Variants in ABLIM1 observed in about 807,000 individuals in gnomAD.
The protein encoded by ABLIM1 is actin-binding LIM protein 1.
Under a neutral mutation model 107.0 loss-of-function variants are expected in ABLIM1, and 40 were observed. The ratio of observed to expected loss-of-function variants is 0.37; its 90% CI spans 0.29 to 0.49. The LOEUF is 0.49. Ranked by LOEUF, ABLIM1 falls within the 20% of genes least tolerant of loss-of-function variation. The pLI is 0.97. For missense variants in ABLIM1, 857 were observed against 1,008.5 expected, an observed-to-expected ratio of 0.85 and a Z score of 2.04; for synonymous variants, 357 against 357.3, an observed-to-expected ratio of 1.00 and a Z score of 0.01.
intron 14 of ABLIM1, among the ~76,000 whole-genome samples, chr10:114,449,522 G>C (rs2061530865): frequency 6.6e-6 from 1 of 152,102 alleles, no homozygotes; most frequent in African/African-American, 2.4e-5. Flanking sequence ...CACTCAAGCA[G>C]GTCTCTCATT....
At chr10:114,791,712 T>A in the ABLIM1 span, among the ~76,000 whole-genome samples, 101 of 151,812 alleles carry the variant, frequency 6.7e-4, no homozygotes, top group African/African-American at 2.2e-3. Context: ...GCAGATTTTT[T>A]AAATTACTCT....
intron 6 of ABLIM1, among the ~76,000 whole-genome samples, chr10:114,506,842 A>C (rs1247820005): frequency 5.3e-5 from 8 of 152,154 alleles, no homozygotes; most frequent in African/African-American, 1.9e-4. Flanking sequence ...CTTTAATTTA[A>C]TTAAGTCCCA....
upstream of ABLIM1, among the ~76,000 whole-genome samples, chr10:114,686,647 G>A (rs991804846): frequency 1.3e-5 from 2 of 150,662 alleles, no homozygotes; most frequent in African/African-American, 4.9e-5. Flanking sequence ...CTTTCTTTCT[G>A]AGATAGAGTC....
At chr10:114,591,365 TA>T (rs2074848105) in intron 2 of ABLIM1, among the ~76,000 whole-genome samples, 1 of 152,186 alleles carries the variant, frequency 6.6e-6, no homozygotes, top group African/African-American at 2.4e-5. Flanking sequence ...TATGACTATT[TA>T]AAAAGACAAG....
chr10:114,515,228 C>T (rs931251043), intron 6 of ABLIM1, among the ~76,000 whole-genome samples: 1 of 152,188 alleles, frequency 6.6e-6, no homozygotes, highest in African/African-American at 2.4e-5. Context: ...GCGGCCATGT[C>T]AAGGCTACCC....
chr10:114,743,984 T>C (rs1344832261), intron 1 of ABLIM1, among the ~76,000 whole-genome samples: 1 of 152,206 alleles, frequency 6.6e-6, no homozygotes, highest in Non-Finnish European at 1.5e-5. Context: ...AAGAGTCTCA[T>C]TTCTGTATGA....
At chr10:114,556,596 A>G (rs1259747439) in intron 4 of ABLIM1, among the ~76,000 whole-genome samples, 1 of 152,232 alleles carries the variant, frequency 6.6e-6, no homozygotes, top group African/African-American at 2.4e-5. Context: ...GTTGGGCAGC[A>G]GTTTTGACAT....
intron 8 of ABLIM1, among the ~76,000 whole-genome samples, chr10:114,479,155 A>G (rs2056956855): frequency 6.6e-6 from 1 of 152,198 alleles, no homozygotes; most frequent in African/African-American, 2.4e-5. Context: ...GTGTACCAGC[A>G]TAACTATGTC....
chr10:114,541,224 G>A (rs1261328893), intron 6 of ABLIM1, among the ~76,000 whole-genome samples: 1 of 151,650 alleles, frequency 6.6e-6, no homozygotes, highest in African/African-American at 2.4e-5. Flanking sequence ...CTTGCTTTCA[G>A]ACGTCTAACC....
At chr10:114,566,964 G>C (rs915475757) in intron 4 of ABLIM1, among the ~76,000 whole-genome samples, 1 of 152,184 alleles carries the variant, frequency 6.6e-6, no homozygotes, top group Non-Finnish European at 1.5e-5. Context: ...CAGGAGAATT[G>C]CTTGAACCTG....
intron 6 of ABLIM1, among the ~76,000 whole-genome samples, chr10:114,539,058 T>G (rs1411107440): frequency 6.6e-6 from 1 of 152,248 alleles, no homozygotes; most frequent in Admixed American, 6.5e-5. Context: ...AACCTCTATC[T>G]AATCCAAAGA....
At chr10:114,441,527 C>A (rs1589688055) in intron 18 of ABLIM1, among the ~76,000 whole-genome samples, 195 bp downstream of exon 18, 2 of 152,278 alleles carry the variant, frequency 1.3e-5, no homozygotes, top group South Asian at 4.1e-4. Flanking sequence ...AAGTTAATTT[C>A]TTCTTCTCTC....
At chr10:114,721,061 C>G (rs1379705886) in intron 1 of ABLIM1, among the ~76,000 whole-genome samples, 1 of 152,202 alleles carries the variant, frequency 6.6e-6, no homozygotes, top group Non-Finnish European at 1.5e-5. Context: ...TACATAAACG[C>G]CTGACCTGGA....
chr10:114,690,201 G>C (rs1192753425), intron 1 of ABLIM1: 10 of 1,414,344 alleles, frequency 7.1e-6, no homozygotes, highest in Non-Finnish European at 9.9e-6. Flanking sequence ...TCCATTCCTG[G>C]ACCCAAAGCG....
chr10:114,727,830 C>G (rs2142112548), intron 1 of ABLIM1, among the ~76,000 whole-genome samples: 1 of 152,198 alleles, frequency 6.6e-6, no homozygotes, highest in Middle Eastern at 3.4e-3. Context: ...TGGCTCATGC[C>G]TGTATTCCTA....
intron 6 of ABLIM1, among the ~76,000 whole-genome samples, chr10:114,522,350 ATCT>A: frequency 6.6e-6 from 1 of 152,292 alleles, no homozygotes; most frequent in South Asian, 2.1e-4. Context: ...AAGGGCCAAC[ATCT>A]TCTTTCATCT....
intron 1 of ABLIM1, among the ~76,000 whole-genome samples, chr10:114,641,372 T>C (rs1308922300): frequency 2.0e-5 from 3 of 151,870 alleles, no homozygotes; most frequent in Non-Finnish European, 4.4e-5. Context: ...GTTTCCTAAG[T>C]GTCAGGAACT....
chr10:114,534,034 C>T (rs1014530483), intron 6 of ABLIM1, among the ~76,000 whole-genome samples: 2 of 152,124 alleles, frequency 1.3e-5, no homozygotes, highest in Non-Finnish European at 2.9e-5. Flanking sequence ...TTTTCTGCTC[C>T]CCCAAGAGAA....
At chr10:114,590,673 C>A (rs2074764053) in intron 2 of ABLIM1, among the ~76,000 whole-genome samples, 1 of 152,068 alleles carries the variant, frequency 6.6e-6, no homozygotes, top group Non-Finnish European at 1.5e-5. Context: ...ATACTCTCTC[C>A]TGGAAGGAAA....
Sources: gnomAD v4.1 joint callset for allele counts (sites outside exome capture counted in the v4.1 genomes callset) on GRCh38, gnomAD v4.1.1 for gene constraint, MANE v1.5 for transcripts, NCBI Gene and HGNC (gene_info 2026-07-23, HGNC 2026-07-21) for gene names.